The following RTRAF variants were observed in gnomAD, a reference collection of about 807,000 sequenced individuals.
RTRAF encodes RNA transcription, translation and transport factor.
In RTRAF, 14 loss-of-function variants were observed where a neutral mutation model predicts 34.4. The ratio of observed to expected loss-of-function variants is 0.41; its 90% CI spans 0.27 to 0.64. The LOEUF is 0.64. Ranked by LOEUF, RTRAF falls within the 30% of genes least tolerant of loss-of-function variation. RTRAF has a pLI of 0.34. For synonymous variants in RTRAF, 96 were observed against 95.3 expected, an observed-to-expected ratio of 1.01 and a Z score of -0.04; for missense variants, 291 against 288.4, an observed-to-expected ratio of 1.01 and a Z score of -0.06.
Position 52,005,916 on chromosome 14 carries a change from C to CAGAAAATCAGTTGCAATAGAGGAAA in RTRAF, c.*1402_*1426dup, listed in dbSNP as rs1890760905. On this transcript the variant is annotated 3_prime_UTR_variant, in exon 8 of 8. Coordinates refer to ENST00000261700, the MANE Select transcript of RTRAF (RefSeq NM_016039.3). Reference sequence around the variant, plus strand: ...ACTAGATAAAGAAGTCAGTCAGCCACAGAAAATCAGTTGCAATAGAGGAAA... The same window carrying CAGAAAATCAGTTGCAATAGAGGAAA: ...ACTAGATAAAGAAGTCAGTCAGCCACAGAAAATCAGTTGCAATAGAGGAAAAGAAAATCAGTTGCAATAGAGGAAA... 6 of 1,205,288 alleles carry CAGAAAATCAGTTGCAATAGAGGAAA rather than the reference C, an allele frequency of 5.0e-6. No homozygotes were observed. The highest frequency in any genetic ancestry group is 7.3e-6 in the Non-Finnish European group (6 of 817,740). 74.7% of individuals were successfully genotyped at this position (1,205,288 alleles called of 1,614,324 possible).
In RTRAF at chr14:52,008,554, T is replaced by G. The variant is rs2140341805; in HGVS notation, c.*4038T>G. On this transcript the variant is annotated 3_prime_UTR_variant, in exon 8 of 8. Coordinates refer to ENST00000261700, the MANE Select transcript of RTRAF (RefSeq NM_016039.3). ...AGTAGGTAACTAATACACAGCCATA[T>G]TCCACTTTTACCTGTATCACAAGGT... 1 of 152,382 alleles carries G rather than the reference T, an allele frequency of 6.6e-6. No homozygotes were observed. The highest frequency in any genetic ancestry group is 2.4e-5 in the African/African-American group (1 of 41,580). 9.4% of individuals were successfully genotyped at this position (152,382 alleles called of 1,614,324 possible).
At position 52,005,981 on chromosome 14, in the gene RTRAF, G is replaced by A. The variant is rs1032777162; in HGVS notation, c.*1465G>A. On this transcript the variant is annotated 3_prime_UTR_variant, in exon 8 of 8. Coordinates refer to ENST00000261700, the MANE Select transcript of RTRAF (RefSeq NM_016039.3). ...TCTCTGTCCCAGGGCTGGTGCTAAAGCCATACTGAAGTTTGAAGACCATTG... is the reference window on the plus strand; with the variant it reads ...TCTCTGTCCCAGGGCTGGTGCTAAAACCATACTGAAGTTTGAAGACCATTG... 1.5e-6 allele frequency: 1 copy of A among 662,978 alleles called. No homozygotes were observed. Among genetic ancestry groups the A allele is most frequent in the Admixed American group, 2.2e-5 (1 of 45,362 alleles). The allele number at this position is 662,978 out of a possible 1,614,324, so 41.1% of individuals were successfully genotyped here.
At chr14:52,003,976 C>T (rs1248660135) in intron 6 of RTRAF, 5 of 556,578 alleles carry the variant, frequency 9.0e-6, no homozygotes, top group Non-Finnish European at 1.6e-5. Flanking sequence ...CTTCCTGGTA[C>T]ATTTAAAGGT....
intron 3 of RTRAF, chr14:51,998,085 A>T (rs1398131014): frequency 6.5e-6 from 1 of 154,294 alleles, no homozygotes; most frequent in African/African-American, 2.4e-5. Context: ...AAGCATCCCT[A>T]ATCCGAGAAT....
chr14:51,995,990 A>G (rs1050803667), intron 3 of RTRAF, among the ~76,000 whole-genome samples: 5 of 152,066 alleles, frequency 3.3e-5, no homozygotes, highest in African/African-American at 1.2e-4. Flanking sequence ...TTATTCCCAA[A>G]TTCTTACATC....
Position 52,005,368 on chromosome 14 carries a change from G to A in RTRAF, c.*852G>A. The A allele has an allele frequency of 1.1e-6, 1 of 924,174 alleles. No individual in the cohort carries two copies. Among genetic ancestry groups the A allele is most frequent in the Non-Finnish European group, 1.5e-6 (1 of 649,800 alleles). 57.2% of individuals were successfully genotyped at this position (924,174 alleles called of 1,614,324 possible). On this transcript the variant is annotated 3_prime_UTR_variant, in exon 8 of 8. Coordinates refer to ENST00000261700, the MANE Select transcript of RTRAF (RefSeq NM_016039.3). ...TTTGCACTACAAAATGTTCATCTTG[G>A]ATGCTCAGGAACGTCTAATGGCCAA... is the stretch of plus-strand genomic sequence containing the variant.
rs1273177240 is a variant in RTRAF, at chr14:52,005,009, T to C, written c.*493T>C. 6.4e-6 allele frequency: 1 copy of C among 157,358 alleles called. No homozygotes were observed. Among genetic ancestry groups the C allele is most frequent in the Non-Finnish European group, 1.4e-5 (1 of 71,494 alleles). 9.7% of individuals were successfully genotyped at this position (157,358 alleles called of 1,614,324 possible). On this transcript the variant is annotated 3_prime_UTR_variant, in exon 8 of 8. Coordinates refer to ENST00000261700, the MANE Select transcript of RTRAF (RefSeq NM_016039.3). The stretch of plus-strand genomic sequence containing the variant: ...GCAGAGGTAAAAAATCTTAGAACTT[T>C]TGTTGGGAAACTATAAATAATTGGT...
chr14:51,991,462 G>C (rs375132194), intron 2 of RTRAF, 21 bp downstream of exon 2: 16 of 1,595,858 alleles, frequency 1.0e-5, no homozygotes, highest in Admixed American at 1.8e-5. Flanking sequence ...AGGAAGTAAA[G>C]TAAAAATACA....
chr14:52,006,498 T>C lies in RTRAF; in HGVS notation c.*1982T>C, dbSNP rs764867422. The C allele has an allele frequency of 9.1e-5, 147 of 1,611,680 alleles. 1 individual carries two copies. The South Asian group carries it at 1.5e-3, about 17-fold the overall frequency. ...ACAAGTGGTGTGTCCTCTGGAACAG[T>C]TGGCCTTTTCAGGCTTGTCCAGAAT... On this transcript the variant is annotated 3_prime_UTR_variant, in exon 8 of 8. Transcript: ENST00000261700.
At position 52,006,441 on chromosome 14, in the gene RTRAF, A is replaced by ATGAGTCAAGT. The variant is rs554486524; in HGVS notation, c.*1926_*1935dup. On this transcript the variant is annotated 3_prime_UTR_variant, in exon 8 of 8. Transcript: ENST00000261700. The stretch of plus-strand genomic sequence containing the variant: ...TGAAACAAAAGCCTCAGAGGGCTTA[A>ATGAGTCAAGT]TGAGTCAAGTCAGGTACTGACTTTT... The ATGAGTCAAGT allele has an allele frequency of 9.0e-4, 1,295 of 1,431,732 alleles. No homozygotes were observed. Among genetic ancestry groups the ATGAGTCAAGT allele is most frequent in the Non-Finnish European group, 1.1e-3 (1,168 of 1,041,058 alleles). The allele number at this position is 1,431,732 out of a possible 1,614,324, so 88.7% of individuals were successfully genotyped here.
At position 52,007,877 on chromosome 14, in the gene RTRAF, T is replaced by C. The variant is rs1402556412; in HGVS notation, c.*3361T>C. 1 of 1,613,936 alleles carries C rather than the reference T, an allele frequency of 6.2e-7. No homozygotes were observed. The highest frequency in any genetic ancestry group is 8.5e-7 in the Non-Finnish European group (1 of 1,179,870). ...TTAAGCCATTGGGCAATCCAATGTC[T>C]GTATTGATCAGAATTCTTCTGTTTT... is the stretch of plus-strand genomic sequence containing the variant. On this transcript the variant is annotated 3_prime_UTR_variant, in exon 8 of 8. Coordinates refer to ENST00000261700, the MANE Select transcript of RTRAF (RefSeq NM_016039.3).
intron 6 of RTRAF, 196 bp from the exon 7 acceptor site, chr14:52,003,998 C>T (rs1326271175): frequency 8.5e-6 from 5 of 590,508 alleles, no homozygotes; most frequent in Non-Finnish European, 1.5e-5. Flanking sequence ...AACTTTTCCC[C>T]CTAACCGGTT....
chr14:51,989,785 G>A, intron 1 of RTRAF, 85 bp downstream of exon 1: 1 of 1,387,694 alleles, frequency 7.2e-7, no homozygotes, highest in Non-Finnish European at 9.8e-7. Context: ...CCTCCCCGTC[G>A]GGACCCTCGG....
chr14:52,005,643 G>T lies in RTRAF; in HGVS notation c.*1127G>T. 1 of 1,358,704 alleles carries T rather than the reference G, an allele frequency of 7.4e-7. No individual in the cohort carries two copies. Among genetic ancestry groups the T allele is most frequent in the South Asian group, 1.2e-5 (1 of 84,988 alleles). The allele number at this position is 1,358,704 out of a possible 1,614,324, so 84.2% of individuals were successfully genotyped here. A position where few individuals can be genotyped will look rare whatever the true frequency, so the allele number is the denominator to read the frequency against. ...CTCAGGGCAGGAAGAAGGCAATGGT[G>T]GCAGTGTCACAGGCAGCAGGGGTAA... On this transcript the variant is annotated 3_prime_UTR_variant, in exon 8 of 8. Coordinates refer to ENST00000261700, the MANE Select transcript of RTRAF (RefSeq NM_016039.3).
At chr14:51,998,705 A>AT in intron 4 of RTRAF, 125 bp downstream of exon 4, 1 of 508,838 alleles carries the variant, frequency 2.0e-6, no homozygotes, top group Non-Finnish European at 3.5e-6. Flanking sequence ...TGCAGACAGC[A>AT]TTTATGTTAA....
Position 52,005,754 on chromosome 14 carries a change from T to C in RTRAF, c.*1238T>C. 1 of 1,612,750 alleles carries C rather than the reference T, an allele frequency of 6.2e-7. No individual in the cohort carries two copies. Among genetic ancestry groups the C allele is most frequent in the South Asian group, 1.1e-5 (1 of 91,038 alleles). ...CTTTTTACCTGTTGGGCAGTAGGGG[T>C]AGACTGCAGTTATCCCGTAGAGGTG... On this transcript the variant is annotated 3_prime_UTR_variant, in exon 8 of 8. Transcript: ENST00000261700.
At chr14:52,001,261 T>C (rs1212748791) in intron 5 of RTRAF, among the ~76,000 whole-genome samples, 5 of 152,328 alleles carry the variant, frequency 3.3e-5, no homozygotes, top group African/African-American at 1.2e-4. Flanking sequence ...GATACTTGCA[T>C]GCATGCCTAC....
In RTRAF at chr14:52,009,390, A is replaced by G. The variant is rs1235018831; in HGVS notation, c.*4874A>G. ...AGAGGAAGAAAGTTGTAAAGGTGAA[A>G]TCTATAGAAAGCAAATGAGAAATAT... On this transcript the variant is annotated 3_prime_UTR_variant, in exon 8 of 8. Coordinates refer to ENST00000261700, the MANE Select transcript of RTRAF (RefSeq NM_016039.3). 2 of 152,246 alleles carry G rather than the reference A, an allele frequency of 1.3e-5. No individual in the cohort carries two copies. Among genetic ancestry groups the G allele is most frequent in the Non-Finnish European group, 2.9e-5 (2 of 68,048 alleles). The allele number at this position is 152,246 out of a possible 1,614,324, so 9.4% of individuals were successfully genotyped here. A position where few individuals can be genotyped will look rare whatever the true frequency, so the allele number is the denominator to read the frequency against.
intron 3 of RTRAF, among the ~76,000 whole-genome samples, chr14:51,995,881 G>C (rs1229622185): frequency 2.0e-5 from 3 of 151,844 alleles, no homozygotes; most frequent in African/African-American, 7.3e-5. Context: ...GTGTAGTATT[G>C]ATTTTAGGGC....
Sources: allele counts gnomAD v4.1 joint callset (sites outside exome capture counted in the v4.1 genomes callset), GRCh38; gene constraint gnomAD v4.1.1; transcripts MANE v1.5; gene names NCBI Gene and HGNC (gene_info 2026-07-23, HGNC 2026-07-21).